The following HEG1 variants were observed in gnomAD, a reference collection of about 807,000 sequenced individuals.
HEG1 encodes heart development protein with EGF like domains 1, also known as protein HEG homolog 1.
Under a neutral mutation model 125.6 loss-of-function variants are expected in HEG1, and 56 were observed. The observed-to-expected ratio is 0.45, with a 90% confidence interval of 0.36 to 0.56. HEG1 has a LOEUF of 0.56. Ranked by LOEUF, HEG1 falls within the 20% of genes least tolerant of loss-of-function variation. The probability of loss-of-function intolerance (pLI) is 0.00; values close to 1 mark genes in which losing one functional copy is unlikely to be tolerated. For missense variants in HEG1, 1,523 were observed against 1,670.0 expected (o/e 0.91, Z 1.53); for synonymous variants, 644 against 668.5 (o/e 0.96, Z 0.57).
chr3:124,990,105 C>T (rs1240161680), intron 14 of HEG1, among the ~76,000 whole-genome samples: 2 of 152,144 alleles, frequency 1.3e-5, no homozygotes, highest in Admixed American at 1.3e-4. Flanking sequence ...ATCTTTCCTA[C>T]TGTTCCTCTA....
Position 124,970,624 on chromosome 3 carries a change from G to A in HEG1, c.*28C>T. On this transcript the variant is annotated 3_prime_UTR_variant, in exon 17 of 17. Coordinates refer to ENST00000311127, the MANE Select transcript of HEG1 (RefSeq NM_020733.2). ...GCAGAGGTCCCAGGTGACTGGCTCA[G>A]AGCAATGAGTCCCTCTCTCTCCTGG... 2 of 1,576,942 alleles carry A rather than the reference G, an allele frequency of 1.3e-6. No homozygotes were observed. The highest frequency in any genetic ancestry group is 1.7e-6 in the Non-Finnish European group (2 of 1,160,020).
At position 125,002,295 on chromosome 3, in the gene HEG1, C is replaced by G. The variant is rs367597816; in HGVS notation, c.3318G>C (p.Ala1106=). 1 of 1,613,414 alleles carries G rather than the reference C, an allele frequency of 6.2e-7. No homozygotes were observed. Among genetic ancestry groups the G allele is most frequent in the Non-Finnish European group, 8.5e-7 (1 of 1,179,674 alleles). ...ITKTLNMCFS[A]LPSYIRSTVH... ...CTGTAGATCGGATGTAACTAGGTAA[C>G]GCTGAAAAACACATATTTAACTGAA... The change falls in exon 10 of 17, where the codon GCG becomes GCC. Residue 1106 remains alanine (A), a synonymous_variant. Transcript: ENST00000311127.
intron 8 of HEG1, among the ~76,000 whole-genome samples, chr3:125,007,325 C>T (rs531767305): frequency 4.6e-5 from 7 of 151,966 alleles, no homozygotes; most frequent in South Asian, 2.1e-4. Context: ...AGTTTCATTC[C>T]AAACCCTGCA....
intron 14 of HEG1, among the ~76,000 whole-genome samples, chr3:124,980,709 G>C (rs904181475): frequency 2.6e-5 from 4 of 152,084 alleles, no homozygotes; most frequent in Non-Finnish European, 1.5e-5. Context: ...AGTAGAGACG[G>C]GGTTTCGCTA....
chr3:125,016,979 G>A (rs981402976), intron 5 of HEG1, among the ~76,000 whole-genome samples: 3 of 151,626 alleles, frequency 2.0e-5, no homozygotes, highest in Non-Finnish European at 2.9e-5. Context: ...TCAAGAAAGA[G>A]AAAAGACAAC....
chr3:125,019,276 C>T lies in HEG1; in HGVS notation c.1574G>A (p.Arg525His), dbSNP rs568268614. ...GAAAAACTCACTCGAACGTTCTCCA[C>T]GTGGTGCTGATGAATTCAAGCTTTC... ...SSESLNSSAP[R>H]GERSIAGISY... is the part of the protein sequence containing the mutation. The change falls in exon 5 of 17, where the codon CGT (arginine) becomes CAT (histidine). Residue 525 changes from arginine to histidine, a missense_variant. By Grantham distance (29) the Arg-to-His change is conservative. Transcript: ENST00000311127. The T allele has an allele frequency of 2.6e-5, 42 of 1,608,790 alleles. No homozygotes were observed. Among genetic ancestry groups the T allele is most frequent in the Non-Finnish European group, 3.1e-5 (36 of 1,175,408 alleles).
chr3:125,018,185 G>A lies in HEG1; in HGVS notation c.1588+1077C>T, dbSNP rs1230728923. ...ACAAAGTGTGGTATATCCCTGCTACGGCATATTATTAAGCCACGAAAAGGA... is the reference window on the plus strand; with the variant it reads ...ACAAAGTGTGGTATATCCCTGCTACAGCATATTATTAAGCCACGAAAAGGA... On this transcript the variant is annotated intron_variant, in intron 5 of 16. Transcript: ENST00000311127. Among the ~76,000 whole-genome samples, 5 of 152,210 alleles carry A rather than the reference G, an allele frequency of 3.3e-5. No individual in the cohort carries two copies. The East Asian group carries it at 5.8e-4, about 18-fold the overall frequency.
chr3:125,046,930 T>G (rs1273649674), intron 1 of HEG1, among the ~76,000 whole-genome samples: 1 of 152,266 alleles, frequency 6.6e-6, no homozygotes, highest in Non-Finnish European at 1.5e-5. Context: ...TCTTATTTTG[T>G]GGTCACACCT....
At chr3:125,037,409 A>G (rs572868500) in intron 1 of HEG1, among the ~76,000 whole-genome samples, 1 of 152,342 alleles carries the variant, frequency 6.6e-6, no homozygotes, top group East Asian at 1.9e-4. Flanking sequence ...ACTTGCTACT[A>G]ACAAAGTGTG....
intron 1 of HEG1, among the ~76,000 whole-genome samples, chr3:125,038,001 A>G (rs1448157858): frequency 6.6e-6 from 1 of 152,190 alleles, no homozygotes; most frequent in Non-Finnish European, 1.5e-5. Flanking sequence ...TGCCTGGTAC[A>G]CAGTGAATGC....
rs1443449106 is a variant in HEG1, at chr3:124,990,802, G to A, written c.3718C>T (p.Leu1240Phe). 2 of 1,563,544 alleles carry A rather than the reference G, an allele frequency of 1.3e-6. No individual in the cohort carries two copies. Among genetic ancestry groups the A allele is most frequent in the Non-Finnish European group, 1.7e-6 (2 of 1,153,216 alleles). Reference sequence around the variant, plus strand: ...GTACACTTACGGTTTCCACAGTTGAGACCACCAAGGCCAAATGGGCAACTG... The same window carrying A: ...GTACACTTACGGTTTCCACAGTTGAAACCACCAAGGCCAAATGGGCAACTG... ...CMSCPFGLGG[L>F]NCGNPYQLIT... is the part of the protein sequence containing the mutation. The change falls in exon 14 of 17, where the codon CTC becomes TTC. Residue 1240 changes from leucine to phenylalanine, a missense_variant. Coordinates refer to ENST00000311127, the MANE Select transcript of HEG1 (RefSeq NM_020733.2).
chr3:125,014,759 G>A (rs762262245), intron 5 of HEG1: 8 of 1,288,416 alleles, frequency 6.2e-6, no homozygotes, highest in Non-Finnish European at 8.1e-6. Context: ...CCAGGCCCAT[G>A]TCGTCCGTCA....
rs189580964 is a variant in HEG1 at position 124,976,949 on chromosome 3, C to A, written c.3821+910G>T. On this transcript the variant is annotated intron_variant, in intron 15 of 16. Transcript: ENST00000311127. The stretch of plus-strand genomic sequence containing the variant: ...ATAAACCTTTTTCTTTAGAAACTAC[C>A]CATTGATATGGTTCGGCTATGTCCC... Among the ~76,000 whole-genome samples, 9 of 152,230 alleles carry A rather than the reference C, an allele frequency of 5.9e-5. No individual in the cohort carries two copies. The East Asian group carries it at 1.7e-3, about 29-fold the overall frequency.
intron 5 of HEG1, among the ~76,000 whole-genome samples, chr3:125,017,635 T>A (rs1239034134): frequency 6.6e-6 from 1 of 152,088 alleles, no homozygotes; most frequent in Non-Finnish European, 1.5e-5. Context: ...GAATATAAAA[T>A]GATGCAGCCA....
At chr3:125,006,020 C>A (rs1363234234) in intron 8 of HEG1, among the ~76,000 whole-genome samples, 2 of 152,216 alleles carry the variant, frequency 1.3e-5, no homozygotes, top group African/African-American at 4.8e-5. Context: ...CCAAGGGCCA[C>A]CACTGGCATT....
chr3:125,032,979 C>T (rs77708757), intron 1 of HEG1, among the ~76,000 whole-genome samples: 25 of 152,216 alleles, frequency 1.6e-4, no homozygotes, highest in African/African-American at 5.8e-4. Flanking sequence ...AAAGAATGGC[C>T]ACATGCAGAC....
intron 1 of HEG1, among the ~76,000 whole-genome samples, chr3:125,033,621 C>T (rs1013744151): frequency 2.0e-5 from 3 of 152,176 alleles, no homozygotes; most frequent in African/African-American, 7.2e-5. Flanking sequence ...TACGAGTGGT[C>T]CTGAATCCTG....
chr3:124,977,217 T>C (rs374473448), intron 15 of HEG1, among the ~76,000 whole-genome samples: 153 of 152,350 alleles, frequency 1.0e-3, no homozygotes, highest in African/African-American at 3.6e-3. Context: ...CCCAGCCACT[T>C]GGAACTGTAA....
At chr3:125,002,110 A>T (rs971752742) in intron 10 of HEG1, 98 bp from the exon 11 acceptor site, 1 of 1,528,472 alleles carries the variant, frequency 6.5e-7, no homozygotes, top group Admixed American at 1.8e-5. Context: ...CAGTGACGGG[A>T]TGGGAGAGCA....
Sources: gnomAD v4.1 joint callset for allele counts (sites outside exome capture counted in the v4.1 genomes callset) on GRCh38, gnomAD v4.1.1 for gene constraint, MANE v1.5 for transcripts, NCBI Gene and HGNC (gene_info 2026-07-23, HGNC 2026-07-21) for gene names.